MTM1: variants seen among roughly 807,000 people sequenced by gnomAD.
MTM1 encodes the protein myotubularin.
MTM1 carries 9 observed loss-of-function variants against 52.1 expected under a neutral mutation model. The observed-to-expected ratio is 0.17, with a 90% CI of 0.10 to 0.30. MTM1 has a LOEUF of 0.30. Among genes scored for constraint, MTM1 ranks in the 10% least tolerant of loss-of-function variants. MTM1 has a pLI of 1.00. For synonymous variants in MTM1, 136 were observed against 163.8 expected, an observed-to-expected ratio of 0.83 and a Z score of 1.29; for missense variants, 277 against 470.7, an observed-to-expected ratio of 0.59 and a Z score of 3.81.
chrX:150,614,242 G>C (rs1398262873), intron 4 of MTM1, among the ~76,000 whole-genome samples: 1 of 112,274 alleles, frequency 8.9e-6, no homozygotes, highest in Non-Finnish European at 1.9e-5. Flanking sequence ...AGCATCTGAA[G>C]AATGAAGAAG....
At chrX:150,571,878 C>G (rs1557411469) in intron 1 of MTM1, among the ~76,000 whole-genome samples, 1 of 111,936 alleles carries the variant, frequency 8.9e-6, no homozygotes, top group East Asian at 2.8e-4. Context: ...GAGAGTGTAT[C>G]AGGAGACCCA....
intron 4 of MTM1, among the ~76,000 whole-genome samples, chrX:150,609,784 T>A (rs2039241636): frequency 1.8e-5 from 2 of 111,517 alleles, no homozygotes; most frequent in South Asian, 7.6e-4. Context: ...TACTTCTAGA[T>A]CCTCATAGCC....
chrX:150,647,252 AATAGAT>A (rs2039951705), intron 9 of MTM1, among the ~76,000 whole-genome samples: 1 of 99,953 alleles, frequency 1.0e-5, no homozygotes, highest in Non-Finnish European at 2.0e-5. Flanking sequence ...TTTAGCCTGA[AATAGAT>A]ATGATATAGC....
At chrX:150,666,096 A>C (rs1470631092) in intron 14 of MTM1, among the ~76,000 whole-genome samples, 2 of 112,551 alleles carry the variant, frequency 1.8e-5, no homozygotes, top group African/African-American at 6.5e-5. Flanking sequence ...AATTGTTTGA[A>C]GCCTACAATA....
At chrX:150,612,566 G>C (rs1557413003) in intron 4 of MTM1, among the ~76,000 whole-genome samples, 1 of 109,283 alleles carries the variant, frequency 9.2e-6, no homozygotes, top group African/African-American at 3.3e-5. Flanking sequence ...TGGGCGTGGT[G>C]GCATGCATCT....
upstream of MTM1, among the ~76,000 whole-genome samples, chrX:150,568,311 C>T (rs1353979957): frequency 8.8e-6 from 1 of 113,421 alleles, no homozygotes; most frequent in Non-Finnish European, 1.9e-5. Context: ...GGCGCCCAGT[C>T]CAACTTCCCT....
intron 10 of MTM1, 104 bp downstream of exon 10, chrX:150,650,005 T>G (rs2039993346): frequency 5.5e-6 from 4 of 732,991 alleles, no homozygotes; most frequent in Non-Finnish European, 8.0e-6. Context: ...CATTGAGAGA[T>G]AAACTTTGTA....
In MTM1 at chrX:150,664,360, A is replaced by G. The variant is rs1317245442; in HGVS notation, c.1644+751A>G. Reference sequence around the variant, plus strand: ...TCTCACAGTTCAGTCTTGCATAAGCACCAGCTTTAATGCCAGAAATAGGCT... The same window carrying G: ...TCTCACAGTTCAGTCTTGCATAAGCGCCAGCTTTAATGCCAGAAATAGGCT... On this transcript the variant is annotated intron_variant, in intron 14 of 14. Transcript: ENST00000370396. Among the ~76,000 whole-genome samples, 7 of 112,882 alleles carry G rather than the reference A, an allele frequency of 6.2e-5. No individual in the cohort carries two copies. In the Admixed American group the frequency reaches 6.6e-4, roughly 11 times the overall value.
At chrX:150,658,745 C>A (rs1174414383) in intron 11 of MTM1, among the ~76,000 whole-genome samples, 5 of 111,956 alleles carry the variant, frequency 4.5e-5, no homozygotes, top group South Asian at 3.7e-4. Flanking sequence ...CTGTAGGCTA[C>A]CCTTTCAGAA....
At chrX:150,570,435 A>AT (rs782708861) in intron 1 of MTM1, among the ~76,000 whole-genome samples, 1 of 111,536 alleles carries the variant, frequency 9.0e-6, no homozygotes, top group South Asian at 3.8e-4. Flanking sequence ...AATCAAAGAG[A>AT]TTTTTTGGAG....
At chrX:150,592,756 GC>G in intron 2 of MTM1, 79 bp downstream of exon 2, 1 of 675,754 alleles carries the variant, frequency 1.5e-6, no homozygotes, top group Non-Finnish European at 2.4e-6. Flanking sequence ...TTTTGGGCTG[GC>G]CTATTGAATT....
intron 1 of MTM1, among the ~76,000 whole-genome samples, chrX:150,583,775 AATATATAAAAT>A (rs1316941523): frequency 1.8e-4 from 9 of 48,859 alleles, no homozygotes; most frequent in East Asian, 6.0e-4. Flanking sequence ...ATATATATTT[AATATATAAAAT>A]ATATATAAAA....
At position 150,640,945 on chromosome X, in the gene MTM1, G is replaced by A. The variant is rs782664286; in HGVS notation, c.529-324G>A. ...GGGATGGGAGGGGTGCATGGGCGGG[G>A]GATGAACTTGGGTTTATCTGTGTGG... On this transcript the variant is annotated intron_variant, in intron 7 of 14. Transcript: ENST00000370396. 3.6e-3 allele frequency among the ~76,000 whole-genome samples: 399 copies of A among 111,251 alleles called. 3 individuals are homozygous for A. Among genetic ancestry groups the A allele is most frequent in the African/African-American group, 0.013 (385 of 30,586 alleles).
intron 6 of MTM1, among the ~76,000 whole-genome samples, chrX:150,629,361 C>T (rs1045201902): frequency 5.4e-5 from 6 of 111,960 alleles, no homozygotes; most frequent in East Asian, 2.8e-4. Flanking sequence ...ATACCAACAA[C>T]GTCCCTCCAA....
rs782454171 is a variant in MTM1, at chrX:150,614,509, A to G, written c.232-80A>G. The G allele has an allele frequency of 1.7e-5, 10 of 595,498 alleles. No individual in the cohort carries two copies. In the East Asian group the frequency reaches 3.2e-4, roughly 19 times the overall value. 49.1% of individuals were successfully genotyped at this position (595,498 alleles called of 1,213,427 possible). A position where few individuals can be genotyped will look rare whatever the true frequency, so the allele number is the denominator to read the frequency against. ...GCCAAGGTAAAATCACTCTGAAAGC[A>G]TATGGTTGTTTTTATATGTTTTTTG... On this transcript the variant is annotated intron_variant, in intron 4 of 14. Transcript: ENST00000370396.
chrX:150,670,448 C>T (rs1557415105), intron 14 of MTM1, among the ~76,000 whole-genome samples: 2 of 112,389 alleles, frequency 1.8e-5, no homozygotes, highest in African/African-American at 6.5e-5. Context: ...AGCATTCATA[C>T]CCAAGGCGGA....
intron 4 of MTM1, among the ~76,000 whole-genome samples, chrX:150,612,558 G>A (rs1557413002): frequency 9.2e-6 from 1 of 108,692 alleles, no homozygotes; most frequent in Admixed American, 9.9e-5. Flanking sequence ...TAATTAGTTG[G>A]GCGTGGTGGC....
At chrX:150,670,845 T>C (rs1173953239) in intron 14 of MTM1, among the ~76,000 whole-genome samples, 1 of 111,986 alleles carries the variant, frequency 8.9e-6, no homozygotes, top group African/African-American at 3.3e-5. Context: ...TGGAAATCAC[T>C]GATTACCCAT....
intron 6 of MTM1, among the ~76,000 whole-genome samples, chrX:150,636,280 C>A (rs1439795295): frequency 9.0e-6 from 1 of 111,378 alleles, no homozygotes; most frequent in Non-Finnish European, 1.9e-5. Flanking sequence ...TGTTCAGGTT[C>A]TTTTATAAAA....
Sources: allele counts gnomAD v4.1 joint callset (sites outside exome capture counted in the v4.1 genomes callset), GRCh38; gene constraint gnomAD v4.1.1; transcripts MANE v1.5; gene names NCBI Gene and HGNC (gene_info 2026-07-23, HGNC 2026-07-21).